ASTN2: variants seen among roughly 807,000 people sequenced by gnomAD.
ASTN2 encodes the protein astrotactin-2.
A neutral mutation model predicts 139.8 loss-of-function variants in ASTN2; 54 were observed. The observed-to-expected ratio is 0.39, with a 90% CI of 0.31 to 0.48. The LOEUF is 0.48. Among genes scored for constraint, ASTN2 ranks in the 20% least tolerant of loss-of-function variants. ASTN2 has a pLI of 0.95. For missense variants in ASTN2, 1,565 were observed against 1,725.1 expected (o/e 0.91, Z 1.64); for synonymous variants, 756 against 719.5 (o/e 1.05, Z -0.81).
intron 19 of ASTN2, among the ~76,000 whole-genome samples, chr9:116,556,607 TAGAG>T (rs764915848): frequency 1.1e-4 from 16 of 152,130 alleles, no homozygotes; most frequent in Non-Finnish European, 1.5e-4. Flanking sequence ...TCTGCTGAAA[TAGAG>T]AGAGAGAAAG....
intron 1 of ASTN2, among the ~76,000 whole-genome samples, chr9:117,401,149 T>C (rs982853357): frequency 1.3e-5 from 2 of 152,120 alleles, no homozygotes; most frequent in African/African-American, 4.8e-5. Context: ...CCTGATGAGG[T>C]AGTGATCCAT....
chr9:117,327,366 G>C lies in ASTN2; in HGVS notation c.443-35853C>G, dbSNP rs147938960. On this transcript the variant is annotated intron_variant, in intron 1 of 22. Coordinates refer to ENST00000313400, the MANE Select transcript of ASTN2 (RefSeq NM_001365068.1). ...ACAACCTACAGCAGCACCTGGAGGGGATGGACTCCAGGCAGTGAGAGCAGA... is the reference window on the plus strand; with the variant it reads ...ACAACCTACAGCAGCACCTGGAGGGCATGGACTCCAGGCAGTGAGAGCAGA... 2.7e-3 allele frequency among the ~76,000 whole-genome samples: 406 copies of C among 152,274 alleles called. 3 individuals are homozygous for C. The highest frequency in any genetic ancestry group is 9.4e-3 in the African/African-American group (389 of 41,554).
chr9:116,980,994 C>T (rs1836497935), intron 7 of ASTN2, among the ~76,000 whole-genome samples: 1 of 152,038 alleles, frequency 6.6e-6, no homozygotes, highest in South Asian at 2.1e-4. Flanking sequence ...ACTCCCTATC[C>T]CTATAACTCT....
intron 5 of ASTN2, among the ~76,000 whole-genome samples, chr9:117,049,991 G>A (rs552104256): frequency 6.6e-6 from 1 of 151,992 alleles, no homozygotes; most frequent in Non-Finnish European, 1.5e-5. Context: ...AAGGAAAGGT[G>A]GTGGGGGGTT....
chr9:116,518,636 T>C (rs776366107), intron 19 of ASTN2, among the ~76,000 whole-genome samples: 3 of 151,960 alleles, frequency 2.0e-5, no homozygotes, highest in Non-Finnish European at 2.9e-5. Flanking sequence ...AGGCAACAAA[T>C]AGCACAATAA....
chr9:116,459,752 C>CA (rs1230534133), intron 20 of ASTN2, among the ~76,000 whole-genome samples: 1 of 151,930 alleles, frequency 6.6e-6, no homozygotes, highest in African/African-American at 2.4e-5. Flanking sequence ...CACAAAATAG[C>CA]AAGTGTTAGC....
chr9:116,653,481 T>C (rs1411530080), intron 16 of ASTN2, among the ~76,000 whole-genome samples: 1 of 152,220 alleles, frequency 6.6e-6, no homozygotes, highest in Non-Finnish European at 1.5e-5. Context: ...CAGGGTTCCT[T>C]TTACATCACA....
chr9:117,299,389 T>C (rs1020585503), intron 1 of ASTN2, among the ~76,000 whole-genome samples: 1 of 152,162 alleles, frequency 6.6e-6, no homozygotes, highest in Non-Finnish European at 1.5e-5. Context: ...ATGCTATAAA[T>C]AGCTATAAAG....
At chr9:117,203,651 G>A (rs2132996068) in intron 3 of ASTN2, among the ~76,000 whole-genome samples, 1 of 152,094 alleles carries the variant, frequency 6.6e-6, no homozygotes, top group African/African-American at 2.4e-5. Context: ...TTCACTTCAG[G>A]CCCCATTCAT....
chr9:116,696,396 A>G (rs1315567555), intron 16 of ASTN2, among the ~76,000 whole-genome samples: 1 of 152,170 alleles, frequency 6.6e-6, no homozygotes, highest in Non-Finnish European at 1.5e-5. Flanking sequence ...GTATTTTTCC[A>G]TTTTAAAGGT....
At chr9:116,927,555 A>T (rs571664368) in intron 10 of ASTN2, among the ~76,000 whole-genome samples, 1 of 152,182 alleles carries the variant, frequency 6.6e-6, no homozygotes, top group Non-Finnish European at 1.5e-5. Flanking sequence ...GATCAGCTCT[A>T]TCTATGAGAA....
intron 16 of ASTN2, among the ~76,000 whole-genome samples, chr9:116,673,014 C>A (rs1378661283): frequency 6.6e-6 from 1 of 152,164 alleles, no homozygotes; most frequent in East Asian, 1.9e-4. Flanking sequence ...GGCTGATTCC[C>A]ACTTAAGCTA....
chr9:117,266,549 G>A (rs369349081), intron 2 of ASTN2, among the ~76,000 whole-genome samples: 25 of 152,284 alleles, frequency 1.6e-4, no homozygotes, highest in Middle Eastern at 3.4e-3. Flanking sequence ...CCCCATCTCA[G>A]AAAAAGACCA....
chr9:116,929,477 A>T (rs1379862764), intron 10 of ASTN2, among the ~76,000 whole-genome samples: 1 of 152,126 alleles, frequency 6.6e-6, no homozygotes, highest in East Asian at 1.9e-4. Context: ...GGAGATCCTA[A>T]AAAAGCCAGT....
In ASTN2 at chr9:117,225,535, GTATATATATATATATATATATA is replaced by G. The variant is rs58184768; in HGVS notation, c.631-10815_631-10794del. On this transcript the variant is annotated intron_variant, in intron 2 of 22. Coordinates refer to ENST00000313400, the MANE Select transcript of ASTN2 (RefSeq NM_001365068.1). Reference sequence around the variant, plus strand: ...CAAGACCAGCCTGGCCAAGCTGTATGTATATATATATATATATATATATATATATATATATATATACAGATGA... The same window carrying G: ...CAAGACCAGCCTGGCCAAGCTGTATGTATATATATATATATATACAGATGA... Among the ~76,000 whole-genome samples, 35 of 63,958 alleles carry G rather than the reference GTATATATATATATATATATATA, an allele frequency of 5.5e-4. 4 individuals are homozygous for G. Among genetic ancestry groups the G allele is most frequent in the South Asian group, 6.7e-4 (1 of 1,486 alleles). The allele number at this position is 63,958 out of a possible 152,430, so 42.0% of individuals were successfully genotyped here. A position where few individuals can be genotyped will look rare whatever the true frequency, so the allele number is the denominator to read the frequency against.
intron 17 of ASTN2, among the ~76,000 whole-genome samples, chr9:116,643,618 T>G (rs953676293): frequency 6.6e-6 from 1 of 152,194 alleles, no homozygotes; most frequent in African/African-American, 2.4e-5. Context: ...ATAATAATAG[T>G]ACTTCCCTCA....
chr9:117,375,209 A>G (rs1830091392), intron 1 of ASTN2, among the ~76,000 whole-genome samples: 1 of 152,216 alleles, frequency 6.6e-6, no homozygotes, highest in African/African-American at 2.4e-5. Flanking sequence ...GTCTGGAGGG[A>G]AATGTCTGGG....
intron 16 of ASTN2, among the ~76,000 whole-genome samples, chr9:116,723,580 T>C (rs767869665): frequency 2.0e-5 from 3 of 152,124 alleles, no homozygotes; most frequent in Non-Finnish European, 2.9e-5. Flanking sequence ...GACACATAAC[T>C]CATGGCCGGG....
chr9:116,916,085 G>T (rs138641763), intron 10 of ASTN2, among the ~76,000 whole-genome samples: 59 of 152,308 alleles, frequency 3.9e-4, no homozygotes, highest in African/African-American at 1.4e-3. Flanking sequence ...TAGAAAACTG[G>T]TTGGTGTGGG....
Sources: gnomAD v4.1 joint callset for allele counts (sites outside exome capture counted in the v4.1 genomes callset) on GRCh38, gnomAD v4.1.1 for gene constraint, MANE v1.5 for transcripts, NCBI Gene and HGNC (gene_info 2026-07-23, HGNC 2026-07-21) for gene names.